The following SEMA6A variants were observed in gnomAD, a reference collection of about 807,000 sequenced individuals.
SEMA6A encodes semaphorin 6A.
A neutral mutation model predicts 96.8 loss-of-function variants in SEMA6A; 25 were observed. The observed-to-expected ratio is 0.26, with a 90% confidence interval of 0.19 to 0.36. The LOEUF (loss-of-function observed/expected upper bound fraction) is 0.36, where lower values mean the gene tolerates loss of function less well. Ranked by LOEUF, SEMA6A falls within the 10% of genes least tolerant of loss-of-function variation. The pLI is 1.00. For missense variants in SEMA6A, 1,363 were observed against 1,323.1 expected, an observed-to-expected ratio of 1.03 and a Z score of -0.47; for synonymous variants, 612 against 518.0, an observed-to-expected ratio of 1.18 and a Z score of -2.46.
chr5:116,555,695 T>G (rs1432412764), intron 1 of SEMA6A, among the ~76,000 whole-genome samples: 3 of 151,646 alleles, frequency 2.0e-5, no homozygotes, highest in African/African-American at 7.3e-5. Context: ...TTGTAAAAAT[T>G]ATCCAGGCTC....
chr5:116,505,069 G>GA (rs1213983552), intron 1 of SEMA6A, 87 bp from the exon 2 acceptor site: 2 of 629,790 alleles, frequency 3.2e-6, no homozygotes, highest in Non-Finnish European at 5.5e-6. Context: ...AAATTCGAGA[G>GA]AAAAAAAGGC....
At position 116,447,822 on chromosome 5, in the gene SEMA6A, C is replaced by T. The variant is rs1254854580; in HGVS notation, c.1895-11G>A. The T allele has an allele frequency of 6.4e-7, 1 of 1,572,044 alleles. No individual in the cohort carries two copies. Among genetic ancestry groups the T allele is most frequent in the Admixed American group, 1.8e-5 (1 of 56,188 alleles). ...TTTCCCGAATCACTCCTGCAATAGA[C>T]ATCGCATATGGCGTTAAGAAATGAA... On this transcript the variant is annotated splice_polypyrimidine_tract_variant and intron_variant, in intron 18 of 18. Transcript: ENST00000343348.
At chr5:116,566,391 G>T (rs1761030450) in intron 1 of SEMA6A, among the ~76,000 whole-genome samples, 1 of 152,128 alleles carries the variant, frequency 6.6e-6, no homozygotes, top group Non-Finnish European at 1.5e-5. Context: ...AAGTCTAAAG[G>T]CTGCATGAGG....
At chr5:116,551,198 C>T (rs977958427) in intron 1 of SEMA6A, among the ~76,000 whole-genome samples, 7 of 151,830 alleles carry the variant, frequency 4.6e-5, no homozygotes, top group Non-Finnish European at 7.4e-5. Flanking sequence ...GCAGAGGAAG[C>T]GAGTGACATG....
intron 1 of SEMA6A, among the ~76,000 whole-genome samples, chr5:116,534,439 G>T (rs1371556828): frequency 6.6e-6 from 1 of 152,128 alleles, no homozygotes; most frequent in Non-Finnish European, 1.5e-5. Context: ...CCACATTCCA[G>T]CCTGTCTTTT....
intron 16 of SEMA6A, among the ~76,000 whole-genome samples, chr5:116,474,491 A>G (rs1289645076): frequency 6.6e-6 from 1 of 152,190 alleles, no homozygotes; most frequent in African/African-American, 2.4e-5. Context: ...GTAAGACATA[A>G]TAAGAATTTT....
intron 11 of SEMA6A, among the ~76,000 whole-genome samples, chr5:116,481,078 C>A (rs191691930): frequency 6.6e-6 from 1 of 152,188 alleles, no homozygotes; most frequent in Non-Finnish European, 1.5e-5. Flanking sequence ...TATGTCCACA[C>A]TGTCTCAAGG....
At chr5:116,460,094 A>G (rs929279709) in intron 18 of SEMA6A, among the ~76,000 whole-genome samples, 1 of 152,198 alleles carries the variant, frequency 6.6e-6, no homozygotes, top group Non-Finnish European at 1.5e-5. Flanking sequence ...GGGCAGCCAT[A>G]TAATTTAGGA....
At chr5:116,486,175 G>C (rs1047614378) in intron 10 of SEMA6A, among the ~76,000 whole-genome samples, 28 of 152,184 alleles carry the variant, frequency 1.8e-4, no homozygotes, top group African/African-American at 6.3e-4. Flanking sequence ...GGGTGGCTTT[G>C]TTGGACAGGT....
chr5:116,467,818 G>T, intron 17 of SEMA6A, 71 bp from the exon 18 acceptor site: 2 of 1,535,890 alleles, frequency 1.3e-6, no homozygotes, highest in South Asian at 2.4e-5. Context: ...GCAGAGGCCT[G>T]GAGGTGGGAC....
chr5:116,523,839 C>T (rs575730809), intron 1 of SEMA6A, among the ~76,000 whole-genome samples: 15 of 152,192 alleles, frequency 9.9e-5, no homozygotes, highest in East Asian at 1.9e-4. Context: ...ATATCGGAGC[C>T]GCTGATACAA....
chr5:116,503,533 G>C (rs1210689944), intron 2 of SEMA6A, among the ~76,000 whole-genome samples: 6 of 144,516 alleles, frequency 4.2e-5, no homozygotes, highest in Non-Finnish European at 9.0e-5. Context: ...TTTTTTTTGA[G>C]ACAGAGTCTC....
chr5:116,446,848 A>C lies in SEMA6A; in HGVS notation c.2858T>G (p.Phe953Cys). ...GGGCGGCGGGTTGTCTCCCCTGCCA[A>C]AGCTCTGGTTTCTGGAGAGGTGAGA... The part of the protein sequence containing the change: ...NSSHLSRNQS[F>C]GRGDNPPPAP... The change falls in exon 19 of 19, where the codon TTT becomes TGT. Residue 953 changes from phenylalanine (F) to cysteine (C), a missense_variant. This residue lies in a region of SEMA6A where 883 missense variants were observed against 763.6 expected (regional missense o/e 1.16). Coordinates refer to ENST00000343348, the MANE Select transcript of SEMA6A (RefSeq NM_020796.5). The C allele has an allele frequency of 3.1e-6, 5 of 1,613,988 alleles. No individual in the cohort carries two copies. The highest frequency in any genetic ancestry group is 4.2e-6 in the Non-Finnish European group (5 of 1,179,876).
intron 3 of SEMA6A, among the ~76,000 whole-genome samples, chr5:116,499,534 T>C (rs1757773501): frequency 1.3e-5 from 2 of 152,080 alleles, no homozygotes; most frequent in African/African-American, 4.8e-5. Flanking sequence ...TGAATTAAAG[T>C]TGGAAGTGTA....
At chr5:116,545,475 CAGG>C (rs1428706863) in intron 1 of SEMA6A, among the ~76,000 whole-genome samples, 4 of 151,978 alleles carry the variant, frequency 2.6e-5, no homozygotes, top group Non-Finnish European at 4.4e-5. Flanking sequence ...GAGGCTGAGT[CAGG>C]AGAATTGCTT....
At chr5:116,490,966 T>G (rs1353891866) in intron 7 of SEMA6A, among the ~76,000 whole-genome samples, 1 of 152,182 alleles carries the variant, frequency 6.6e-6, no homozygotes, top group Non-Finnish European at 1.5e-5. Context: ...AAAATGATGG[T>G]CTGTTTGCTA....
chr5:116,546,812 C>G (rs912808546), intron 1 of SEMA6A, among the ~76,000 whole-genome samples: 1 of 152,210 alleles, frequency 6.6e-6, no homozygotes, highest in African/African-American at 2.4e-5. Context: ...AGCCTGCAAA[C>G]TATACTGAGC....
At chr5:116,489,106 A>C in intron 7 of SEMA6A, 99 bp from the exon 8 acceptor site, 2 of 1,304,032 alleles carry the variant, frequency 1.5e-6, no homozygotes, top group Non-Finnish European at 2.0e-6. Flanking sequence ...AACATCAGGC[A>C]AATGAGATAG....
intron 1 of SEMA6A, among the ~76,000 whole-genome samples, chr5:116,564,427 G>A (rs1184715955): frequency 1.3e-5 from 2 of 152,138 alleles, no homozygotes; most frequent in Non-Finnish European, 2.9e-5. Context: ...ATCTACAAAG[G>A]AATTAAATTG....
Sources: allele counts gnomAD v4.1 joint callset (sites outside exome capture counted in the v4.1 genomes callset), GRCh38; gene constraint gnomAD v4.1.1; regional missense constraint gnomAD v4.1.1; transcripts MANE v1.5; gene names NCBI Gene and HGNC (gene_info 2026-07-23, HGNC 2026-07-21).